RTTN: variants seen among roughly 807,000 people sequenced by gnomAD.
RTTN encodes the protein rotatin.
RTTN carries 182 observed loss-of-function variants against 269.2 expected under a neutral mutation model. That is an observed-to-expected ratio of 0.68 (90% CI 0.60 to 0.76). The LOEUF is 0.76. Among genes scored for constraint, RTTN ranks in the 30% least tolerant of loss-of-function variants. The pLI, the probability that RTTN is intolerant of heterozygous loss-of-function variation, is 0.00. For synonymous variants in RTTN, 1,006 were observed against 963.5 expected, an observed-to-expected ratio of 1.04 and a Z score of -0.82; for missense variants, 2,545 against 2,608.6, an observed-to-expected ratio of 0.98 and a Z score of 0.53.
chr18:70,022,181 A>C (rs2056725459), intron 44 of RTTN, among the ~76,000 whole-genome samples: 1 of 151,998 alleles, frequency 6.6e-6, no homozygotes. Context: ...GCTACTTCAC[A>C]CTTTCTCCTC....
intron 10 of RTTN, among the ~76,000 whole-genome samples, chr18:70,184,368 A>G (rs1430510383): frequency 6.6e-6 from 1 of 152,082 alleles, no homozygotes; most frequent in Non-Finnish European, 1.5e-5. Context: ...AGCCTGGCCA[A>G]CATGGTGAAA....
At position 70,049,733 on chromosome 18, in the gene RTTN, T is replaced by C. The variant is rs557317248; in HGVS notation, c.5324-1545A>G. 9.9e-4 allele frequency among the ~76,000 whole-genome samples: 151 copies of C among 152,278 alleles called. 1 individual carries two copies. In the East Asian group the frequency reaches 0.013, roughly 13 times the overall value. ...TATGTTAAAAAACAGCTTTTTTCTA[T>C]GCTAAAATTTAGGAGGCTTCATGAA... On this transcript the variant is annotated intron_variant, in intron 39 of 48. Coordinates refer to ENST00000640769, the MANE Select transcript of RTTN (RefSeq NM_173630.4).
intron 28 of RTTN, among the ~76,000 whole-genome samples, chr18:70,094,939 G>A (rs974910428): frequency 3.9e-5 from 6 of 151,906 alleles, no homozygotes; most frequent in Non-Finnish European, 7.4e-5. Flanking sequence ...GGAAATCTAA[G>A]TCTCTTTGTA....
In RTTN at chr18:70,197,605, A is replaced by T. The variant is rs1294199750; in HGVS notation, c.693+19T>A. 1 of 1,490,884 alleles carries T rather than the reference A, an allele frequency of 6.7e-7. No individual in the cohort carries two copies. Among genetic ancestry groups the T allele is most frequent in the East Asian group, 2.3e-5 (1 of 44,228 alleles). 92.4% of individuals were successfully genotyped at this position (1,490,884 alleles called of 1,614,324 possible). A position where few individuals can be genotyped will look rare whatever the true frequency, so the allele number is the denominator to read the frequency against. ...AGTTCTCTAGTTCAAAATCTAAAAC[A>T]ATTATAGAGGGCACTGACCTGAACA... On this transcript the variant is annotated intron_variant, in intron 6 of 48. Transcript: ENST00000640769.
chr18:70,106,888 A>G (rs1040878988), intron 28 of RTTN, among the ~76,000 whole-genome samples: 1 of 152,216 alleles, frequency 6.6e-6, no homozygotes, highest in African/African-American at 2.4e-5. Flanking sequence ...ATCTTTCAAA[A>G]TCTAACTCTA....
chr18:70,181,847 C>T (rs901848161), intron 10 of RTTN, among the ~76,000 whole-genome samples: 1 of 152,128 alleles, frequency 6.6e-6, no homozygotes, highest in Non-Finnish European at 1.5e-5. Context: ...ATTTGAAGTA[C>T]TTCTGTTTTA....
intron 2 of RTTN, 109 bp downstream of exon 2, chr18:70,205,019 T>TA (rs2062040759): frequency 5.5e-6 from 6 of 1,087,294 alleles, no homozygotes; most frequent in Admixed American, 2.3e-5. Context: ...TCTGGTTGAT[T>TA]AAAAAAACTT....
In RTTN at chr18:70,193,331, G is replaced by A. The variant is rs759737641; in HGVS notation, c.964C>T (p.Arg322Ter). Residue 322 changes from arginine (R) to a stop codon, truncating the protein, a stop_gained, in exon 8 of 49, where the codon CGA (arginine) becomes TGA (stop). Coordinates refer to ENST00000640769, the MANE Select transcript of RTTN (RefSeq NM_173630.4). LOFTEE classifies it high-confidence loss of function. ...CAGTCCTGGCCATCTCCTCTGGGTCGCTGGCCTGTGCGCCCAACCACAGAA... is the reference window on the plus strand; with the variant it reads ...CAGTCCTGGCCATCTCCTCTGGGTCACTGGCCTGTGCGCCCAACCACAGAA... ...RPSVVGRTGQ[R>*]PRGDGQDWDA... 6.8e-6 allele frequency: 11 copies of A among 1,610,262 alleles called. No homozygotes were observed. Among genetic ancestry groups the A allele is most frequent in the Admixed American group, 3.4e-5 (2 of 59,464 alleles).
At chr18:70,124,836 G>A (rs563812953) in intron 25 of RTTN, among the ~76,000 whole-genome samples, 6 of 152,048 alleles carry the variant, frequency 3.9e-5, no homozygotes, top group South Asian at 2.1e-4. Flanking sequence ...AAACCAATTC[G>A]CTAGTCAGTC....
intron 35 of RTTN, among the ~76,000 whole-genome samples, chr18:70,060,764 TC>T (rs769052556): frequency 2.6e-5 from 4 of 152,206 alleles, no homozygotes; most frequent in Non-Finnish European, 5.9e-5. Flanking sequence ...GGCTCTCCAC[TC>T]TTTAGCCTCT....
chr18:70,016,979 T>TGAG (rs1254946174), intron 46 of RTTN, among the ~76,000 whole-genome samples: 1 of 151,484 alleles, frequency 6.6e-6, no homozygotes, highest in East Asian at 1.9e-4. Context: ...AAGGAAATAG[T>TGAG]GAGGAGGAGG....
At chr18:70,070,789 C>A (rs1487245302) in intron 34 of RTTN, among the ~76,000 whole-genome samples, 1 of 152,188 alleles carries the variant, frequency 6.6e-6, no homozygotes, top group Admixed American at 6.5e-5. Flanking sequence ...CAGTACAACA[C>A]AACTTCATAT....
intron 14 of RTTN, among the ~76,000 whole-genome samples, chr18:70,151,979 A>C (rs1462485705): frequency 6.6e-6 from 1 of 152,140 alleles, no homozygotes; most frequent in East Asian, 1.9e-4. Context: ...CATCAGCAGG[A>C]CTTAGGTTCC....
intron 26 of RTTN, among the ~76,000 whole-genome samples, chr18:70,117,286 T>A (rs1425413764): frequency 1.3e-5 from 2 of 152,136 alleles, no homozygotes; most frequent in African/African-American, 4.8e-5. Context: ...CTGAGCTTCT[T>A]AAATCATTTC....
At chr18:70,160,164 C>T (rs1044123624) in intron 14 of RTTN, among the ~76,000 whole-genome samples, 1 of 151,584 alleles carries the variant, frequency 6.6e-6, no homozygotes, top group Non-Finnish European at 1.5e-5. Context: ...CTCTGATGGA[C>T]ATAAATGTAA....
At chr18:70,086,712 AAAAAAAAAAAAAAAAAAAAAAG>A in intron 31 of RTTN, 28 bp from the exon 32 acceptor site, 1 of 1,125,970 alleles carries the variant, frequency 8.9e-7, no homozygotes, top group Non-Finnish European at 1.2e-6. Flanking sequence ...AAAAAAAAAA[AAAAAAAAAAAAAAAAAAAAAAG>A]GTCAATACTG....
In RTTN at chr18:70,051,143, A is replaced by C. The variant is rs1291084417; in HGVS notation, c.5323+268T>G. Among the ~76,000 whole-genome samples, 6 of 152,316 alleles carry C rather than the reference A, an allele frequency of 3.9e-5. No individual in the cohort carries two copies. In the East Asian group the frequency reaches 9.6e-4, roughly 24 times the overall value. ...TCAATAAAACAGAGCTTCAGGGATG[A>C]CATCTTTAAAAAGCTTAAAAAATAA... On this transcript the variant is annotated intron_variant, in intron 39 of 48. Coordinates refer to ENST00000640769, the MANE Select transcript of RTTN (RefSeq NM_173630.4).
At chr18:70,123,218 A>G (rs992041726) in intron 25 of RTTN, among the ~76,000 whole-genome samples, 1 of 152,124 alleles carries the variant, frequency 6.6e-6, no homozygotes, top group Non-Finnish European at 1.5e-5. Flanking sequence ...TTTTTAACTG[A>G]CAAATAATAA....
intron 10 of RTTN, among the ~76,000 whole-genome samples, chr18:70,183,468 G>C (rs3907315): frequency 6.6e-6 from 1 of 152,104 alleles, no homozygotes; most frequent in Non-Finnish European, 1.5e-5. Context: ...TCTTCAACCA[G>C]GCAGAGTAGA....
Sources: allele counts gnomAD v4.1 joint callset (sites outside exome capture counted in the v4.1 genomes callset), GRCh38; gene constraint gnomAD v4.1.1; transcripts MANE v1.5; gene names NCBI Gene and HGNC (gene_info 2026-07-23, HGNC 2026-07-21).